Variants in CEMIP observed in about 807,000 individuals in gnomAD.
The protein encoded by CEMIP is cell migration inducing hyaluronidase 1.
Under a neutral mutation model 156.9 loss-of-function variants are expected in CEMIP, and 105 were observed. The observed-to-expected ratio is 0.67, with a 90% CI of 0.57 to 0.79. The LOEUF (loss-of-function observed/expected upper bound fraction) is 0.79, where lower values mean the gene tolerates loss of function less well. Ranked by LOEUF, CEMIP falls within the 30% of genes least tolerant of loss-of-function variation. The probability of loss-of-function intolerance (pLI) is 0.00; values close to 1 mark genes in which losing one functional copy is unlikely to be tolerated. For synonymous variants in CEMIP, 676 were observed against 668.4 expected, an observed-to-expected ratio of 1.01 and a Z score of -0.17; for missense variants, 1,457 against 1,769.4, an observed-to-expected ratio of 0.82 and a Z score of 3.17.
Position 80,937,985 on chromosome 15 carries a change from C to G in CEMIP, c.3407+6C>G. 2 of 1,612,098 alleles carry G rather than the reference C, an allele frequency of 1.2e-6. No homozygotes were observed. Among genetic ancestry groups the G allele is most frequent in the Non-Finnish European group, 1.7e-6 (2 of 1,179,012 alleles). On this transcript the variant is annotated splice_donor_region_variant and intron_variant, in intron 25 of 29. Coordinates refer to ENST00000394685, the MANE Select transcript of CEMIP (RefSeq NM_001293298.2). Reference sequence around the variant, plus strand: ...TACTGGGACGAGGACTCAGGGTGAGCAGGCGCCCACTTGGCTGCAGGAAAG... The same window carrying G: ...TACTGGGACGAGGACTCAGGGTGAGGAGGCGCCCACTTGGCTGCAGGAAAG...
At position 80,806,346 on chromosome 15, in the gene CEMIP, C is replaced by T. The variant is rs562247692; in HGVS notation, c.-176+26732C>T. Among the ~76,000 whole-genome samples, 3 of 152,240 alleles carry T rather than the reference C, an allele frequency of 2.0e-5. No individual in the cohort carries two copies. In the South Asian group the frequency reaches 6.2e-4, roughly 32 times the overall value. The stretch of plus-strand genomic sequence containing the variant: ...TTATCCAGTTGATCTAGAAGAAAGG[C>T]TTGTATGACAGAGCCCTTGAGACTA... On this transcript the variant is annotated intron_variant, in intron 1 of 29. Transcript: ENST00000394685.
intron 12 of CEMIP, among the ~76,000 whole-genome samples, chr15:80,898,024 C>T (rs1340603550): frequency 1.3e-5 from 2 of 152,222 alleles, no homozygotes; most frequent in African/African-American, 2.4e-5. Flanking sequence ...AGCAGCAATG[C>T]TGGGAGCAGT....
chr15:80,804,837 C>A (rs1385987842), intron 1 of CEMIP, among the ~76,000 whole-genome samples: 1 of 152,058 alleles, frequency 6.6e-6, no homozygotes, highest in Non-Finnish European at 1.5e-5. Flanking sequence ...AGGGGACAAG[C>A]AAAAGGGCCA....
At chr15:80,840,357 G>A (rs1054167846) in intron 1 of CEMIP, among the ~76,000 whole-genome samples, 3 of 152,086 alleles carry the variant, frequency 2.0e-5, no homozygotes, top group Admixed American at 6.5e-5. Context: ...TGGAGCAGCA[G>A]GTCTTGCAAG....
intron 29 of CEMIP, chr15:80,948,374 A>G (rs1901656676): frequency 6.4e-6 from 2 of 311,598 alleles, no homozygotes; most frequent in Non-Finnish European, 1.3e-5. Flanking sequence ...AGAGTGATAG[A>G]GTGGGGAAGG....
chr15:80,785,550 C>T (rs1031410639), intron 1 of CEMIP, among the ~76,000 whole-genome samples: 1 of 152,156 alleles, frequency 6.6e-6, no homozygotes, highest in Non-Finnish European at 1.5e-5. Context: ...TTCCTGCTCT[C>T]GAAGAGCTGG....
intron 1 of CEMIP, among the ~76,000 whole-genome samples, chr15:80,806,561 T>C (rs888498099): frequency 6.6e-6 from 1 of 152,172 alleles, no homozygotes; most frequent in South Asian, 2.1e-4. Context: ...TAAATATGTG[T>C]GAAATCCCAC....
chr15:80,885,951 C>A (rs1354055382), intron 7 of CEMIP, among the ~76,000 whole-genome samples: 1 of 152,212 alleles, frequency 6.6e-6, no homozygotes, highest in African/African-American at 2.4e-5. Flanking sequence ...TAGAGACATT[C>A]TTTGAGTGAT....
intron 1 of CEMIP, among the ~76,000 whole-genome samples, chr15:80,867,273 C>A (rs1026843756): frequency 1.3e-5 from 2 of 152,140 alleles, no homozygotes; most frequent in African/African-American, 4.8e-5. Context: ...AGAAAGTGCA[C>A]GCTGGAATAG....
intron 3 of CEMIP, 140 bp from the exon 4 acceptor site, chr15:80,878,581 C>A: frequency 9.4e-7 from 1 of 1,064,868 alleles, no homozygotes; most frequent in Non-Finnish European, 1.4e-6. Context: ...GGTCTCTCAG[C>A]TCTCTAAGGT....
intron 1 of CEMIP, among the ~76,000 whole-genome samples, chr15:80,795,693 G>T (rs1896205981): frequency 6.6e-6 from 1 of 152,146 alleles, no homozygotes; most frequent in African/African-American, 2.4e-5. Context: ...CAGTGCTTTG[G>T]GAGGCCAAGG....
At position 80,884,108 on chromosome 15, in the gene CEMIP, G is replaced by A. The variant is rs113902875; in HGVS notation, c.618-67G>A. 1.7e-5 allele frequency: 26 copies of A among 1,498,668 alleles called. 1 individual carries two copies. Among genetic ancestry groups the A allele is most frequent in the African/African-American group, 1.4e-4 (10 of 72,724 alleles). 92.8% of individuals were successfully genotyped at this position (1,498,668 alleles called of 1,614,324 possible). Reference sequence around the variant, plus strand: ...ATGTTAGCTGTCGCAGCACAGGCATGTGCTTAGAGCTCTTTGTTTTGGCTG... The same window carrying A: ...ATGTTAGCTGTCGCAGCACAGGCATATGCTTAGAGCTCTTTGTTTTGGCTG... On this transcript the variant is annotated intron_variant, in intron 6 of 29. Coordinates refer to ENST00000394685, the MANE Select transcript of CEMIP (RefSeq NM_001293298.2).
At chr15:80,888,611 T>C (rs1353386113) in intron 8 of CEMIP, 90 bp from the exon 9 acceptor site, 6 of 955,064 alleles carry the variant, frequency 6.3e-6, no homozygotes, top group East Asian at 2.4e-5. Flanking sequence ...TCAATGCCCA[T>C]GTGCGTAGGG....
Position 80,946,616 on chromosome 15 carries a change from A to G in CEMIP, c.3858-349A>G. The G allele has an allele frequency of 1.4e-5, 4 of 296,104 alleles. No homozygotes were observed. The South Asian group carries it at 1.5e-4, about 11-fold the overall frequency. The allele number at this position is 296,104 out of a possible 1,614,324, so 18.3% of individuals were successfully genotyped here. ...TGAGAACATTCAAGGGAAGAGATAC[A>G]TATCGAAGTCCTACTGTGTGCCGAG... is the stretch of plus-strand genomic sequence containing the variant. On this transcript the variant is annotated intron_variant, in intron 28 of 29. Coordinates refer to ENST00000394685, the MANE Select transcript of CEMIP (RefSeq NM_001293298.2).
chr15:80,840,047 C>T (rs1038971259), intron 1 of CEMIP, among the ~76,000 whole-genome samples: 10 of 152,164 alleles, frequency 6.6e-5, no homozygotes, highest in African/African-American at 2.4e-4. Context: ...TCTAAGGGGC[C>T]CCCCAGGCCA....
rs772560481 is a variant in CEMIP, at chr15:80,937,810, G to GT, written c.3239dup (p.Leu1082AlafsTer79). ...CAATCCTAGGGGCGACTGGATCCGA[G>GT]TGGGGCTCTGCTACCCGCGAGGCAC... On this transcript the variant is annotated frameshift_variant, in exon 25 of 30. Coordinates refer to ENST00000394685, the MANE Select transcript of CEMIP (RefSeq NM_001293298.2). LOFTEE classifies it high-confidence loss of function. The GT allele has an allele frequency of 2.5e-5, 41 of 1,614,128 alleles. No homozygotes were observed. Among genetic ancestry groups the GT allele is most frequent in the Non-Finnish European group, 5.1e-6 (6 of 1,180,056 alleles).
intron 14 of CEMIP, among the ~76,000 whole-genome samples, chr15:80,917,412 G>A (rs992819154): frequency 6.6e-6 from 1 of 152,284 alleles, no homozygotes. Flanking sequence ...ATCCTCCTCT[G>A]TAAAGTTGGA....
chr15:80,934,904 G>A (rs1456980864), intron 23 of CEMIP, among the ~76,000 whole-genome samples: 2 of 152,218 alleles, frequency 1.3e-5, no homozygotes, highest in African/African-American at 4.8e-5. Flanking sequence ...TGGGCTTGAG[G>A]AAAGTAACCT....
chr15:80,874,004 T>A (rs1322605403), intron 3 of CEMIP, 31 bp downstream of exon 3: 1 of 1,540,542 alleles, frequency 6.5e-7, no homozygotes, highest in Non-Finnish European at 8.8e-7. Context: ...GACCTCTGTA[T>A]CTCAGCATGG....
Sources: gnomAD v4.1 joint callset for allele counts (sites outside exome capture counted in the v4.1 genomes callset) on GRCh38, gnomAD v4.1.1 for gene constraint, MANE v1.5 for transcripts, NCBI Gene and HGNC (gene_info 2026-07-23, HGNC 2026-07-21) for gene names.